The following MGLL variants were observed in gnomAD, a reference collection of about 807,000 sequenced individuals.
The protein encoded by MGLL is lysophospholipase homolog.
Under a neutral mutation model 29.1 loss-of-function variants are expected in MGLL, and 7 were observed. That is an observed-to-expected ratio of 0.24 (90% CI 0.14 to 0.45). The LOEUF (loss-of-function observed/expected upper bound fraction) is 0.45. Ranked by LOEUF, MGLL falls within the 20% of genes least tolerant of loss-of-function variation. The pLI is 0.99. For missense variants in MGLL, 356 were observed against 413.6 expected (o/e 0.86, Z 1.21); for synonymous variants, 148 against 168.3 (o/e 0.88, Z 0.93).
intron 3 of MGLL, among the ~76,000 whole-genome samples, chr3:127,733,944 G>C (rs957916617): frequency 6.6e-6 from 1 of 152,224 alleles, no homozygotes; most frequent in Non-Finnish European, 1.5e-5. Context: ...CAGGGCAGCC[G>C]AGCCCCTCCA....
At chr3:127,734,900 T>C (rs561956581) in intron 3 of MGLL, among the ~76,000 whole-genome samples, 28 of 152,354 alleles carry the variant, frequency 1.8e-4, no homozygotes, top group African/African-American at 6.3e-4. Context: ...GTGTCTGCCC[T>C]GCATTCCTGG....
intron 2 of MGLL, among the ~76,000 whole-genome samples, chr3:127,782,474 A>G (rs2077144558): frequency 6.6e-6 from 1 of 152,138 alleles, no homozygotes; most frequent in Non-Finnish European, 1.5e-5. Context: ...TAACATGGTA[A>G]GAAGAGCATC....
At chr3:127,787,269 C>T (rs1024960726) in intron 2 of MGLL, among the ~76,000 whole-genome samples, 8 of 152,228 alleles carry the variant, frequency 5.3e-5, no homozygotes, top group African/African-American at 1.7e-4. Flanking sequence ...GGTTCACCTC[C>T]ACTGAAGGGG....
intron 3 of MGLL, among the ~76,000 whole-genome samples, chr3:127,770,162 G>A (rs1266515709): frequency 1.3e-5 from 2 of 152,024 alleles, no homozygotes; most frequent in Non-Finnish European, 2.9e-5. Flanking sequence ...AGCGGGGACA[G>A]GTGCACGCCA....
At chr3:127,819,650 T>G (rs2077822600) in intron 2 of MGLL, among the ~76,000 whole-genome samples, 1 of 152,176 alleles carries the variant, frequency 6.6e-6, no homozygotes, top group Admixed American at 6.5e-5. Context: ...CCTGGTGACT[T>G]GAGGTCCCCT....
intron 2 of MGLL, among the ~76,000 whole-genome samples, chr3:127,811,996 A>G (rs2077671434): frequency 6.6e-6 from 1 of 152,260 alleles, no homozygotes; most frequent in Non-Finnish European, 1.5e-5. Context: ...AACATACCCC[A>G]GACTATCCTG....
chr3:127,751,144 G>A (rs2076550749), intron 3 of MGLL, among the ~76,000 whole-genome samples: 2 of 152,092 alleles, frequency 1.3e-5, no homozygotes, highest in Admixed American at 6.6e-5. Context: ...CCCAGGAATG[G>A]TTTTCATTAT....
intron 2 of MGLL, among the ~76,000 whole-genome samples, chr3:127,802,252 G>A (rs1052308017): frequency 6.6e-6 from 1 of 152,146 alleles, no homozygotes; most frequent in African/African-American, 2.4e-5. Context: ...CAAGAGTTTG[G>A]TCTTGAACTT....
intron 2 of MGLL, among the ~76,000 whole-genome samples, chr3:127,817,154 A>G (rs2077771889): frequency 6.6e-6 from 1 of 152,254 alleles, no homozygotes; most frequent in Non-Finnish European, 1.5e-5. Flanking sequence ...AGTAAGGTTC[A>G]GAGAAAGGGC....
At chr3:127,708,714 C>T (rs1452129625) in intron 6 of MGLL, among the ~76,000 whole-genome samples, 3 of 152,190 alleles carry the variant, frequency 2.0e-5, no homozygotes, top group Non-Finnish European at 4.4e-5. Flanking sequence ...CTGGCACTGC[C>T]GCTACAAAGA....
At chr3:127,786,952 C>T (rs2077224756) in intron 2 of MGLL, among the ~76,000 whole-genome samples, 1 of 152,208 alleles carries the variant, frequency 6.6e-6, no homozygotes, top group Non-Finnish European at 1.5e-5. Flanking sequence ...AAGCTGCTTC[C>T]TAGACCTCTG....
chr3:127,707,293 C>T (rs868657681), intron 6 of MGLL, among the ~76,000 whole-genome samples: 13 of 152,308 alleles, frequency 8.5e-5, no homozygotes, highest in Middle Eastern at 3.4e-3. Context: ...CAGTGCATTC[C>T]GCCTGAGTAT....
At chr3:127,772,852 G>A (rs1254449177) in intron 3 of MGLL, among the ~76,000 whole-genome samples, 4 of 152,174 alleles carry the variant, frequency 2.6e-5, no homozygotes, top group Non-Finnish European at 5.9e-5. Context: ...GAGCTCTCTA[G>A]CCCTCTTCCC....
chr3:127,805,294 G>A (rs1353776356), intron 2 of MGLL, among the ~76,000 whole-genome samples: 4 of 152,190 alleles, frequency 2.6e-5, no homozygotes, highest in Non-Finnish European at 5.9e-5. Flanking sequence ...TTGAGAATGC[G>A]GGAGAGGTGA....
intron 2 of MGLL, among the ~76,000 whole-genome samples, chr3:127,808,828 T>A (rs1428453224): frequency 6.6e-6 from 1 of 152,218 alleles, no homozygotes. Flanking sequence ...CTCCTCCATA[T>A]CTGTCTTGGG....
At chr3:127,815,509 C>T (rs546483066) in intron 2 of MGLL, among the ~76,000 whole-genome samples, 9 of 152,366 alleles carry the variant, frequency 5.9e-5, no homozygotes, top group East Asian at 1.9e-4. Context: ...TGCCATGACG[C>T]GGCCTTCTTT....
At chr3:127,779,244 G>A (rs922708407) in intron 3 of MGLL, among the ~76,000 whole-genome samples, 3 of 152,144 alleles carry the variant, frequency 2.0e-5, no homozygotes, top group African/African-American at 7.2e-5. Context: ...GCAGGCGCCT[G>A]TAGTCCCAGC....
chr3:127,813,506 C>T (rs749371475), intron 2 of MGLL, among the ~76,000 whole-genome samples: 2 of 152,194 alleles, frequency 1.3e-5, no homozygotes, highest in South Asian at 2.1e-4. Flanking sequence ...TGCTCCAAAC[C>T]GGACATTTGC....
Position 127,776,001 on chromosome 3 carries a change from G to A in MGLL, c.262+5788C>T, listed in dbSNP as rs1003834180. ...CTGGCAGACCAGGGACCAAGAGAAC[G>A]CCAGCCCCGGTTTTCTCCCTGCTAT... On this transcript the variant is annotated intron_variant, in intron 3 of 7. Coordinates refer to ENST00000265052, the MANE Select transcript of MGLL (RefSeq NM_007283.7). Among the ~76,000 whole-genome samples, 6 of 152,324 alleles carry A rather than the reference G, an allele frequency of 3.9e-5. No individual in the cohort carries two copies. In the East Asian group the frequency reaches 5.8e-4, roughly 15 times the overall value.
Sources: gnomAD v4.1 joint callset for allele counts (sites outside exome capture counted in the v4.1 genomes callset) on GRCh38, gnomAD v4.1.1 for gene constraint, MANE v1.5 for transcripts, NCBI Gene and HGNC (gene_info 2026-07-23, HGNC 2026-07-21) for gene names.